The following BLOC1S3 variants were observed in gnomAD, a reference collection of about 807,000 sequenced individuals.
BLOC1S3 encodes the protein biogenesis of lysosome-related organelles complex 1 subunit 3.
In BLOC1S3, 7 loss-of-function variants were observed where a neutral mutation model predicts 9.1. That is an observed-to-expected ratio of 0.77 (90% CI 0.44 to 1.45). BLOC1S3 has a LOEUF of 1.45. Ranked by LOEUF, BLOC1S3 falls within the 40% of genes most tolerant of loss-of-function variation. The probability of loss-of-function intolerance (pLI) is 0.01; values close to 1 mark genes in which losing one functional copy is unlikely to be tolerated. For missense variants in BLOC1S3, 307 were observed against 315.2 expected (o/e 0.97, Z 0.20); for synonymous variants, 145 against 158.4 (o/e 0.92, Z 0.64).
intron 3 of BLOC1S3, among the ~76,000 whole-genome samples, chr19:45,209,141 C>T (rs571580536): frequency 1.3e-5 from 2 of 151,994 alleles, no homozygotes; most frequent in South Asian, 2.1e-4. Flanking sequence ...CTCTGCCTCC[C>T]GGGTTCAAAC....
rs543626022 is a variant in BLOC1S3, at chr19:45,203,606, C to T, written n.282+1099C>T. On this transcript the variant is annotated intron_variant and non_coding_transcript_variant, in intron 3 of 3. Coordinates refer to the BLOC1S3 transcript ENST00000591569. ...TTTAGGGTCCCAGAGCACTTTGGCC[C>T]GCAGTGGCTAGGCATGCCAGAACTC... 1.3e-4 allele frequency among the ~76,000 whole-genome samples: 20 copies of T among 152,204 alleles called. 1 individual carries two copies. The South Asian group carries it at 4.1e-3, about 32-fold the overall frequency.
chr19:45,192,400 T>C (rs1969612783), intron 2 of BLOC1S3, among the ~76,000 whole-genome samples: 2 of 151,760 alleles, frequency 1.3e-5, no homozygotes. Flanking sequence ...AAGAGCCAAC[T>C]TGGTGCTCTA....
Position 45,206,462 on chromosome 19 carries a change from T to TTTTGTTTTTTTTG in BLOC1S3, n.282+3958_282+3959insGTTTTTTTTGTTT, listed in dbSNP as rs1555754636. 1.2e-3 allele frequency among the ~76,000 whole-genome samples: 137 copies of TTTTGTTTTTTTTG among 115,506 alleles called. 9 individuals are homozygous for TTTTGTTTTTTTTG. Among genetic ancestry groups the TTTTGTTTTTTTTG allele is most frequent in the African/African-American group, 4.7e-3 (130 of 27,916 alleles). 75.8% of individuals were successfully genotyped at this position (115,506 alleles called of 152,430 possible). A position where few individuals can be genotyped will look rare whatever the true frequency, so the allele number is the denominator to read the frequency against. ...TTGGATTAATCAAGTTTTTTTTTTT[T>TTTTGTTTTTTTTG]TTTTTTTTTTTGAGCAAGGATCTCA... On this transcript the variant is annotated intron_variant and non_coding_transcript_variant, in intron 3 of 3. Coordinates refer to the BLOC1S3 transcript ENST00000591569.
intron 3 of BLOC1S3, among the ~76,000 whole-genome samples, chr19:45,210,594 C>T (rs540046519): frequency 5.9e-5 from 9 of 151,668 alleles, no homozygotes; most frequent in African/African-American, 1.7e-4. Context: ...CCACCTCACC[C>T]GGCCACTTTT....
chr19:45,206,839 TTTTA>T (rs571846289), intron 3 of BLOC1S3, among the ~76,000 whole-genome samples: 1 of 151,922 alleles, frequency 6.6e-6, no homozygotes, highest in East Asian at 1.9e-4. Context: ...TGTTTTATTA[TTTTA>T]TTTATTTATT....
intron 3 of BLOC1S3, among the ~76,000 whole-genome samples, chr19:45,203,128 C>T (rs1048904100): frequency 2.0e-5 from 3 of 151,974 alleles, no homozygotes; most frequent in African/African-American, 4.8e-5. Context: ...GGCTCGGGGG[C>T]TCAAGCACTC....
chr19:45,216,220 C>T, intron 3 of BLOC1S3: 3 of 1,611,216 alleles, frequency 1.9e-6, no homozygotes, highest in Middle Eastern at 1.7e-4. Flanking sequence ...GGTGCGGGGT[C>T]ACACCCTCCC....
At chr19:45,214,894 G>C (rs910107938) in intron 3 of BLOC1S3, among the ~76,000 whole-genome samples, 12 of 151,864 alleles carry the variant, frequency 7.9e-5, no homozygotes, top group Non-Finnish European at 1.6e-4. Flanking sequence ...AGTGGCTCAC[G>C]CCTGTAATCT....
At chr19:45,199,876 G>A (rs1234641743) in intron 2 of BLOC1S3, among the ~76,000 whole-genome samples, 2 of 151,322 alleles carry the variant, frequency 1.3e-5, no homozygotes, top group African/African-American at 4.9e-5. Context: ...ATCAATTCTG[G>A]AGCCTCAGCC....
At chr19:45,216,107 C>T (rs775039612) in intron 3 of BLOC1S3, 9 of 1,614,000 alleles carry the variant, frequency 5.6e-6, no homozygotes, top group Non-Finnish European at 7.6e-6. Flanking sequence ...AACACTCCCA[C>T]CTCCACCTGG....
chr19:45,195,117 C>T (rs973485984), intron 2 of BLOC1S3, among the ~76,000 whole-genome samples: 1 of 152,034 alleles, frequency 6.6e-6, no homozygotes, highest in Non-Finnish European at 1.5e-5. Flanking sequence ...GCATGTTGGT[C>T]AGGCTGGGCT....
chr19:45,215,556 T>C (rs2122953087), intron 3 of BLOC1S3, among the ~76,000 whole-genome samples: 1 of 152,292 alleles, frequency 6.6e-6, no homozygotes, highest in Middle Eastern at 3.4e-3. Flanking sequence ...GAATTGTTAC[T>C]ATAGTCATGG....
rs1043521419 is a variant in BLOC1S3, at chr19:45,180,041, G to A, written c.*136G>A. On this transcript the variant is annotated 3_prime_UTR_variant, in exon 2 of 2. Coordinates refer to ENST00000433642, the MANE Select transcript of BLOC1S3 (RefSeq NM_212550.5). ...TGGTGTCACCCATGGGGGCTAATCC[G>A]GTCCCCTTGGATAATGCTTTATATT... 2.1e-6 allele frequency: 2 copies of A among 968,228 alleles called. No homozygotes were observed. Among genetic ancestry groups the A allele is most frequent in the Non-Finnish European group, 3.0e-6 (2 of 662,808 alleles). 60.0% of individuals were successfully genotyped at this position (968,228 alleles called of 1,614,324 possible).
intron 3 of BLOC1S3, among the ~76,000 whole-genome samples, chr19:45,204,358 T>G (rs937244512): frequency 6.6e-6 from 1 of 151,710 alleles, no homozygotes; most frequent in Admixed American, 6.6e-5. Context: ...CCCCAGCTAA[T>G]TTTTTTGTAT....
At chr19:45,182,212 C>T (rs1969529874), downstream of BLOC1S3, among the ~76,000 whole-genome samples, 1 of 151,848 alleles carries the variant, frequency 6.6e-6, no homozygotes, top group African/African-American at 2.4e-5. Context: ...ATGTATCACG[C>T]CTGTAATCCT....
At chr19:45,214,001 C>G (rs1047532368) in intron 3 of BLOC1S3, among the ~76,000 whole-genome samples, 1 of 151,892 alleles carries the variant, frequency 6.6e-6, no homozygotes, top group African/African-American at 2.4e-5. Flanking sequence ...CCCCTAAATC[C>G]TCAGCCCTAG....
Position 45,179,428 on chromosome 19 carries a change from G to A in BLOC1S3, c.132G>A (p.Ser44=). ...SEEEELYLGP[S]GPTRGRPTGL... ...AGGAGGAGCTGTACCTGGGTCCTTC[G>A]GGCCCGACGCGCGGCCGCCCCACGG... Residue 44 remains serine (S), a synonymous_variant, in exon 2 of 2, where the codon TCG becomes TCA. Transcript: ENST00000433642. This position sits in a 1 kb window ranked among gnomAD's most constrained non-coding sequence, Gnocchi z 4.6. 2 of 1,534,456 alleles carry A rather than the reference G, an allele frequency of 1.3e-6. No individual in the cohort carries two copies. The highest frequency in any genetic ancestry group is 1.7e-6 in the Non-Finnish European group (2 of 1,147,406).
chr19:45,190,134 A>C (rs1489793678), intron 2 of BLOC1S3, among the ~76,000 whole-genome samples: 1 of 151,662 alleles, frequency 6.6e-6, no homozygotes, highest in Non-Finnish European at 1.5e-5. Context: ...TACAGGCATC[A>C]GTCACCATGC....
Position 45,179,502 on chromosome 19 carries a change from C to T in BLOC1S3, c.206C>T (p.Pro69Leu), listed in dbSNP as rs1342173833. The T allele has an allele frequency of 2.0e-6, 3 of 1,523,406 alleles. No homozygotes were observed. Among genetic ancestry groups the T allele is most frequent in the Non-Finnish European group, 2.6e-6 (3 of 1,142,614 alleles). The allele number at this position is 1,523,406 out of a possible 1,614,324, so 94.4% of individuals were successfully genotyped here. The change falls in exon 2 of 2, where the codon CCG (proline) becomes CTG (leucine). Residue 69 changes from proline to leucine, a missense_variant. Transcript: ENST00000433642. The surrounding 1 kb of genome is among the most constrained non-coding windows in gnomAD (Gnocchi z 4.6). ...GCGGAGACCGACTCGGAGCCGGAGC[C>T]GGAGCCGGAACCGACGGCCGCGCCG... ...EAAETDSEPE[P>L]EPEPTAAPRD...
Sources: gnomAD v4.1 joint callset for allele counts (sites outside exome capture counted in the v4.1 genomes callset) on GRCh38, gnomAD v4.1.1 for gene constraint, Gnocchi (gnomAD v3.1) non-coding constraint, MANE v1.5 for transcripts, NCBI Gene and HGNC (gene_info 2026-07-23, HGNC 2026-07-21) for gene names.